The following KDM4C variants were observed in gnomAD, a reference collection of about 807,000 sequenced individuals.
KDM4C encodes the protein lysine demethylase 4C.
In KDM4C, 81 loss-of-function variants were observed where a neutral mutation model predicts 129.3. The ratio of observed to expected loss-of-function variants is 0.63; its 90% CI spans 0.52 to 0.75. The LOEUF is 0.75. Among genes scored for constraint, KDM4C ranks in the 30% least tolerant of loss-of-function variants. The probability of loss-of-function intolerance (pLI) is 0.00; values close to 1 mark genes in which losing one functional copy is unlikely to be tolerated. For missense variants in KDM4C, 1,457 were observed against 1,304.0 expected, an observed-to-expected ratio of 1.12 and a Z score of -1.81; for synonymous variants, 573 against 456.1, an observed-to-expected ratio of 1.26 and a Z score of -3.26.
intron 18 of KDM4C, among the ~76,000 whole-genome samples, chr9:7,109,869 AG>A (rs1226840250): frequency 6.6e-6 from 1 of 152,116 alleles, no homozygotes; most frequent in Non-Finnish European, 1.5e-5. Context: ...CCATGTGTCA[AG>A]GGCAGTCCAG....
chr9:7,006,318 T>C (rs1197919830), intron 12 of KDM4C, among the ~76,000 whole-genome samples: 1 of 152,188 alleles, frequency 6.6e-6, no homozygotes, highest in Non-Finnish European at 1.5e-5. Context: ...TCTCATAACA[T>C]GTCCTGTGGG....
At chr9:7,019,717 A>G (rs913294632) in intron 15 of KDM4C, among the ~76,000 whole-genome samples, 1 of 112,754 alleles carries the variant, frequency 8.9e-6, no homozygotes, top group Admixed American at 9.9e-5. Flanking sequence ...ATATATAAAA[A>G]TATAATATTT....
chr9:7,062,263 C>T (rs1051133905), intron 17 of KDM4C, among the ~76,000 whole-genome samples: 9 of 152,118 alleles, frequency 5.9e-5, no homozygotes, highest in African/African-American at 1.7e-4. Context: ...CCACTGTGCC[C>T]GGCCACTTTT....
chr9:7,167,334 G>A (rs993592431), intron 20 of KDM4C, among the ~76,000 whole-genome samples: 1 of 152,144 alleles, frequency 6.6e-6, no homozygotes, highest in East Asian at 1.9e-4. Flanking sequence ...AGTCCCAGGC[G>A]AACTAGGACG....
chr9:7,048,271 G>A (rs377239699), intron 16 of KDM4C, among the ~76,000 whole-genome samples: 6 of 152,088 alleles, frequency 3.9e-5, no homozygotes, highest in African/African-American at 1.4e-4. Flanking sequence ...GTGGAAGAAT[G>A]CCCTGGTGGG....
intron 2 of KDM4C, among the ~76,000 whole-genome samples, chr9:6,800,808 T>G (rs1388990607): frequency 2.0e-5 from 3 of 152,056 alleles, no homozygotes; most frequent in African/African-American, 7.2e-5. Flanking sequence ...TGTATTTTTT[T>G]GTAGAGCTGA....
At chr9:6,774,140 A>G (rs1176023789) in intron 1 of KDM4C, among the ~76,000 whole-genome samples, 1 of 151,910 alleles carries the variant, frequency 6.6e-6, no homozygotes, top group African/African-American at 2.4e-5. Context: ...CACCTGCCTC[A>G]GCCTCCCAAA....
intron 2 of KDM4C, among the ~76,000 whole-genome samples, chr9:6,800,512 C>T (rs1390808290): frequency 6.6e-6 from 1 of 151,992 alleles, no homozygotes; most frequent in Non-Finnish European, 1.5e-5. Flanking sequence ...ATATTCAAGC[C>T]TGGGCAACAG....
At chr9:7,021,308 C>T (rs1201227986) in intron 15 of KDM4C, among the ~76,000 whole-genome samples, 1 of 151,888 alleles carries the variant, frequency 6.6e-6, no homozygotes, top group East Asian at 1.9e-4. Context: ...CCATGCCCGG[C>T]TAATTTTTGT....
intron 15 of KDM4C, among the ~76,000 whole-genome samples, chr9:7,021,750 T>C (rs146234301): frequency 6.6e-6 from 1 of 152,124 alleles, no homozygotes; most frequent in Admixed American, 6.6e-5. Context: ...TTCTGGAGAG[T>C]TTCCCAATAT....
intron 12 of KDM4C, among the ~76,000 whole-genome samples, chr9:7,001,526 A>G (rs1224760686): frequency 6.6e-6 from 1 of 152,214 alleles, no homozygotes; most frequent in Non-Finnish European, 1.5e-5. Context: ...AAGAAGATGT[A>G]TAGCCTTGTT....
chr9:7,162,222 A>G (rs1045001410), intron 19 of KDM4C, among the ~76,000 whole-genome samples: 4 of 152,224 alleles, frequency 2.6e-5, no homozygotes, highest in East Asian at 1.9e-4. Context: ...TTCTTCTTCT[A>G]TAAGTAAAGA....
intron 8 of KDM4C, among the ~76,000 whole-genome samples, chr9:6,916,840 G>C (rs1359799260): frequency 6.6e-6 from 1 of 152,088 alleles, no homozygotes; most frequent in Non-Finnish European, 1.5e-5. Context: ...TTCTATTTTG[G>C]CTAAGCAACT....
At chr9:6,959,840 A>G (rs7042372) in intron 8 of KDM4C, among the ~76,000 whole-genome samples, 55,244 of 151,746 alleles carry the variant, frequency 0.36, 10,960 homozygotes, top group East Asian at 0.79. Context: ...ATTTATCACC[A>G]GGCATGTTCT....
chr9:7,140,579 T>G (rs1399435515), intron 19 of KDM4C, among the ~76,000 whole-genome samples: 1 of 152,170 alleles, frequency 6.6e-6, no homozygotes, highest in East Asian at 1.9e-4. Context: ...GGGCTGGCCT[T>G]GATAAGCCGC....
chr9:6,987,099 C>T (rs144530834), intron 11 of KDM4C, among the ~76,000 whole-genome samples: 3 of 152,262 alleles, frequency 2.0e-5, no homozygotes, highest in East Asian at 1.9e-4. Flanking sequence ...CTGTCACCTG[C>T]AGAAGAATTC....
Position 7,041,682 on chromosome 9 carries a change from T to G in KDM4C, c.2260-5180T>G, listed in dbSNP as rs1260374031. Among the ~76,000 whole-genome samples, 8 of 152,074 alleles carry G rather than the reference T, an allele frequency of 5.3e-5. No individual in the cohort carries two copies. In the East Asian group the frequency reaches 1.6e-3, roughly 30 times the overall value. ...CTTAGGTTCCTACAGTGGGGTGAAG[T>G]CAATCTGATTTATATTTGAGCTGGG... is the stretch of plus-strand genomic sequence containing the variant. On this transcript the variant is annotated intron_variant, in intron 15 of 21. Coordinates refer to ENST00000381309, the MANE Select transcript of KDM4C (RefSeq NM_015061.6).
At chr9:7,128,027 C>G (rs1840203217) in intron 18 of KDM4C, 39 bp from the exon 19 acceptor site, 2 of 1,353,012 alleles carry the variant, frequency 1.5e-6, no homozygotes, top group Non-Finnish European at 1.9e-6. Context: ...TTCCTGTTCT[C>G]TTACTTCTTT....
chr9:6,825,158 A>G (rs895573778), intron 4 of KDM4C, among the ~76,000 whole-genome samples: 2 of 151,852 alleles, frequency 1.3e-5, no homozygotes, highest in Admixed American at 1.3e-4. Context: ...AAAAAAAAAA[A>G]AAAAAAAAAA....
Sources: allele counts gnomAD v4.1 joint callset (sites outside exome capture counted in the v4.1 genomes callset), GRCh38; gene constraint gnomAD v4.1.1; transcripts MANE v1.5; gene names NCBI Gene and HGNC (gene_info 2026-07-23, HGNC 2026-07-21).